EFCAB8: variants seen among roughly 807,000 people sequenced by gnomAD.
The protein encoded by EFCAB8 is EF-hand calcium-binding domain-containing protein 8.
In EFCAB8, 100 loss-of-function variants were observed where a neutral mutation model predicts 116.3. The observed-to-expected ratio is 0.86, with a 90% confidence interval of 0.73 to 1.02. The LOEUF (loss-of-function observed/expected upper bound fraction) is 1.02. Among genes scored for constraint, EFCAB8 ranks in the 50% least tolerant of loss-of-function variants. The pLI, the probability that EFCAB8 is intolerant of heterozygous loss-of-function variation, is 0.00. For synonymous variants in EFCAB8, 558 were observed against 567.9 expected, an observed-to-expected ratio of 0.98 and a Z score of 0.25; for missense variants, 1,320 against 1,416.9, an observed-to-expected ratio of 0.93 and a Z score of 1.10.
At chr20:32,905,605 C>G (rs961780258) in intron 11 of EFCAB8, among the ~76,000 whole-genome samples, 1 of 151,826 alleles carries the variant, frequency 6.6e-6, no homozygotes, top group Non-Finnish European at 1.5e-5. Flanking sequence ...TCTAAAAATA[C>G]AAAAATTAGC....
chr20:32,896,830 C>T (rs1986186093), intron 10 of EFCAB8, among the ~76,000 whole-genome samples: 1 of 152,218 alleles, frequency 6.6e-6, no homozygotes, highest in Non-Finnish European at 1.5e-5. Context: ...TCATGCAGCA[C>T]TGTCTCCATT....
chr20:32,959,915 G>T lies in EFCAB8; in HGVS notation c.3227G>T (p.Trp1076Leu), dbSNP rs1269240195. The change falls in exon 25 of 27, where the codon TGG (tryptophan) becomes TTG (leucine). Residue 1076 changes from tryptophan (W) to leucine (L), a missense_variant. Coordinates refer to ENST00000400522, the MANE Select transcript of EFCAB8 (RefSeq NM_001143967.2). ...CAGAAGATGGCCCTGATGTCCCCGT[G>T]GGCCGGAGAGCGCCCCCTGGAAGAC... ...KLQKMALMSP[W>L]AGERPLEDIE... 1 of 1,551,680 alleles carries T rather than the reference G, an allele frequency of 6.4e-7. No individual in the cohort carries two copies. The highest frequency in any genetic ancestry group is 8.7e-7 in the Non-Finnish European group (1 of 1,146,976).
intron 4 of EFCAB8, 94 bp from the exon 5 acceptor site, chr20:32,878,610 C>G (rs1234701139): frequency 4.1e-6 from 4 of 971,660 alleles, no homozygotes; most frequent in South Asian, 3.0e-5. Flanking sequence ...CTCCGCTTCC[C>G]GGGTTCACGC....
chr20:32,943,840 C>T, intron 23 of EFCAB8, 36 bp downstream of exon 23: 2 of 416,610 alleles, frequency 4.8e-6, no homozygotes, highest in Non-Finnish European at 8.8e-6. Context: ...ATGCCCATGG[C>T]CCTTCTTGTC....
chr20:32,860,493 C>CTTTTT lies in EFCAB8; in HGVS notation c.-11+1514_-11+1518dup, dbSNP rs71190881. On this transcript the variant is annotated intron_variant, in intron 1 of 26. Transcript: ENST00000400522. ...TTTGTTCCATCGCTGATGGTGGTAACTTTTTTTTTTTTTTTTTTTTTTTTT... is the reference window on the plus strand; with the variant it reads ...TTTGTTCCATCGCTGATGGTGGTAACTTTTTTTTTTTTTTTTTTTTTTTTTTTTTT... 1.8e-3 allele frequency among the ~76,000 whole-genome samples: 147 copies of CTTTTT among 83,994 alleles called. 17 individuals are homozygous for CTTTTT. Among genetic ancestry groups the CTTTTT allele is most frequent in the African/African-American group, 9.5e-3 (121 of 12,798 alleles). The allele number at this position is 83,994 out of a possible 152,430, so 55.1% of individuals were successfully genotyped here. A position where few individuals can be genotyped will look rare whatever the true frequency, so the allele number is the denominator to read the frequency against.
chr20:32,917,477 G>A lies in EFCAB8; in HGVS notation c.2033G>A (p.Arg678Lys). 1 of 1,552,008 alleles carries A rather than the reference G, an allele frequency of 6.4e-7. No homozygotes were observed. Among genetic ancestry groups the A allele is most frequent in the Non-Finnish European group, 8.7e-7 (1 of 1,147,016 alleles). Residue 678 changes from arginine (R) to lysine (K), a missense_variant, in exon 18 of 27, where the codon AGG becomes AAG. Coordinates refer to ENST00000400522, the MANE Select transcript of EFCAB8 (RefSeq NM_001143967.2). ...CCCATCTTCAACTTCAATGCCTCTA[G>A]GAGCCCCTCGCCCTTGCAGCCCAAG... The part of the protein sequence containing the change: ...LKPIFNFNAS[R>K]SPSPLQPKRV...
At chr20:32,865,349 G>A (rs1984334957) in intron 2 of EFCAB8, among the ~76,000 whole-genome samples, 1 of 152,134 alleles carries the variant, frequency 6.6e-6, no homozygotes, top group African/African-American at 2.4e-5. Flanking sequence ...TGCTTGCTGG[G>A]CTTGGGGATG....
At chr20:32,895,106 C>T (rs6141846) in intron 9 of EFCAB8, among the ~76,000 whole-genome samples, 21,298 of 152,164 alleles carry the variant, frequency 0.14, 1,558 homozygotes, top group East Asian at 0.22. Flanking sequence ...TTGTGACCGC[C>T]TCCTTAAACT....
intron 1 of EFCAB8, among the ~76,000 whole-genome samples, chr20:32,863,109 T>C (rs910972030): frequency 5.9e-5 from 9 of 152,092 alleles, no homozygotes; most frequent in African/African-American, 1.9e-4. Flanking sequence ...CTGCCCCCTG[T>C]GCGTGTCTTG....
chr20:32,950,576 G>A (rs1453510183), intron 23 of EFCAB8, among the ~76,000 whole-genome samples: 2 of 152,146 alleles, frequency 1.3e-5, no homozygotes. Flanking sequence ...GGCTTGGACT[G>A]CTTCTGTGTC....
At chr20:32,863,982 A>ATTT in intron 2 of EFCAB8, 148 bp downstream of exon 2, 10 of 701,856 alleles carry the variant, frequency 1.4e-5, no homozygotes, top group Non-Finnish European at 1.9e-5. Flanking sequence ...ACTTAAGTGT[A>ATTT]TTTTTTTTTT....
intron 6 of EFCAB8, among the ~76,000 whole-genome samples, chr20:32,886,681 G>A (rs965738582): frequency 6.6e-6 from 1 of 152,170 alleles, no homozygotes; most frequent in African/African-American, 2.4e-5. Context: ...GGCAGGGTGT[G>A]TTGCAGACAG....
At chr20:32,896,766 C>T (rs553797609) in intron 10 of EFCAB8, among the ~76,000 whole-genome samples, 12 of 152,178 alleles carry the variant, frequency 7.9e-5, no homozygotes, top group Non-Finnish European at 1.8e-4. Context: ...GCCGACACCG[C>T]CTCGCTCCTG....
chr20:32,872,556 C>A (rs962045953), intron 3 of EFCAB8, among the ~76,000 whole-genome samples: 1 of 151,938 alleles, frequency 6.6e-6, no homozygotes, highest in Non-Finnish European at 1.5e-5. Context: ...GGGATCCCAG[C>A]GAGCTGAGGT....
intron 22 of EFCAB8, among the ~76,000 whole-genome samples, chr20:32,934,546 C>T (rs1225712752): frequency 2.0e-5 from 3 of 152,136 alleles, no homozygotes; most frequent in Admixed American, 6.5e-5. Flanking sequence ...TACTATTTCT[C>T]GTAGTGGTTG....
intron 3 of EFCAB8, among the ~76,000 whole-genome samples, chr20:32,870,873 T>C (rs78156973): frequency 7.1e-6 from 1 of 139,884 alleles, no homozygotes; most frequent in South Asian, 2.2e-4. Flanking sequence ...TTTTTTTTTT[T>C]CCTGAAATGG....
At chr20:32,924,149 G>T (rs1449243528) in intron 20 of EFCAB8, among the ~76,000 whole-genome samples, 1 of 152,098 alleles carries the variant, frequency 6.6e-6, no homozygotes, top group East Asian at 1.9e-4. Context: ...CACTTCCCAG[G>T]CTCAAGCGAT....
chr20:32,931,141 A>G, intron 21 of EFCAB8, 37 bp from the exon 22 acceptor site: 1 of 1,487,156 alleles, frequency 6.7e-7, no homozygotes, highest in East Asian at 2.5e-5. Context: ...GTCTGGGTCA[A>G]GGGGTGTGAG....
chr20:32,926,520 T>TA (rs1555864848), intron 20 of EFCAB8, among the ~76,000 whole-genome samples: 9,839 of 149,348 alleles, frequency 0.066, 461 homozygotes, highest in African/African-American at 0.13. Flanking sequence ...TCTTTTTTTT[T>TA]TTATTATACT....
Sources: gnomAD v4.1 joint callset for allele counts (sites outside exome capture counted in the v4.1 genomes callset) on GRCh38, gnomAD v4.1.1 for gene constraint, MANE v1.5 for transcripts, NCBI Gene and HGNC (gene_info 2026-07-23, HGNC 2026-07-21) for gene names.